Variants in NRXN1 observed in about 807,000 individuals in gnomAD.
The protein encoded by NRXN1 is neurexin-1.
NRXN1 carries 39 observed loss-of-function variants against 150.9 expected under a neutral mutation model. That is an observed-to-expected ratio of 0.26 (90% CI 0.20 to 0.34). The LOEUF is 0.34. NRXN1 is among the 10% of genes least tolerant of loss of function. The pLI, the probability that NRXN1 is intolerant of heterozygous loss-of-function variation, is 1.00. For synonymous variants in NRXN1, 924 were observed against 757.0 expected (o/e 1.22, Z -3.62); for missense variants, 1,815 against 1,949.9 (o/e 0.93, Z 1.30).
intron 17 of NRXN1, among the ~76,000 whole-genome samples, chr2:50,308,223 G>A (rs573097945): frequency 1.1e-4 from 16 of 152,156 alleles, no homozygotes; most frequent in Non-Finnish European, 1.3e-4. Context: ...CCTGAAAAAC[G>A]TCAATTGTGT....
At chr2:50,567,457 A>T (rs1670046205) in intron 8 of NRXN1, among the ~76,000 whole-genome samples, 1 of 152,200 alleles carries the variant, frequency 6.6e-6, no homozygotes, top group Admixed American at 6.5e-5. Flanking sequence ...ACTTTGGAAC[A>T]AAATATAAAG....
chr2:50,639,025 T>G (rs1350444284), intron 5 of NRXN1, among the ~76,000 whole-genome samples: 2 of 151,914 alleles, frequency 1.3e-5, no homozygotes, highest in Admixed American at 1.3e-4. Context: ...CATCCAAACT[T>G]TGGAAAACAC....
intron 2 of NRXN1, among the ~76,000 whole-genome samples, chr2:50,934,907 T>C (rs2104426898): frequency 6.6e-6 from 1 of 152,310 alleles, no homozygotes; most frequent in South Asian, 2.1e-4. Context: ...CAATTATTAC[T>C]CTTTTCATCA....
chr2:50,542,468 G>A (rs1425506995), intron 9 of NRXN1, among the ~76,000 whole-genome samples: 2 of 152,176 alleles, frequency 1.3e-5, no homozygotes, highest in African/African-American at 2.4e-5. Context: ...TCAGTCATTG[G>A]AATATTATGC....
intron 5 of NRXN1, among the ~76,000 whole-genome samples, chr2:50,718,993 A>G (rs949581696): frequency 1.3e-5 from 2 of 150,276 alleles, no homozygotes; most frequent in Non-Finnish European, 3.0e-5. Context: ...AGTAAATATA[A>G]AAATATATTT....
At chr2:50,817,878 A>G (rs1043151313) in intron 5 of NRXN1, among the ~76,000 whole-genome samples, 6 of 151,964 alleles carry the variant, frequency 3.9e-5, no homozygotes, top group African/African-American at 9.7e-5. Context: ...TATGTGAAAA[A>G]CCCAGAGCTA....
At chr2:50,423,122 T>TGAAACATATTCCTTTCCTGTC (rs1261686919) in intron 17 of NRXN1, among the ~76,000 whole-genome samples, 3 of 152,186 alleles carry the variant, frequency 2.0e-5, no homozygotes, top group Non-Finnish European at 4.4e-5. Flanking sequence ...CATTCCCTGG[T>TGAAACATATTCCTTTCCTGTC]GAAACATATT....
intron 5 of NRXN1, among the ~76,000 whole-genome samples, chr2:50,753,439 G>A (rs569025206): frequency 6.6e-6 from 1 of 151,842 alleles, no homozygotes; most frequent in African/African-American, 2.4e-5. Context: ...CACAGAAGGA[G>A]AAAAGAAAAT....
intron 21 of NRXN1, among the ~76,000 whole-genome samples, chr2:49,961,841 G>C (rs1676015007): frequency 6.6e-6 from 1 of 152,104 alleles, no homozygotes; most frequent in Non-Finnish European, 1.5e-5. Flanking sequence ...AAATTATATG[G>C]TGTGACACCG....
At chr2:50,521,061 G>C (rs1375339100) in intron 12 of NRXN1, among the ~76,000 whole-genome samples, 2 of 152,046 alleles carry the variant, frequency 1.3e-5, no homozygotes, top group African/African-American at 4.8e-5. Flanking sequence ...TTGTATAGAA[G>C]TTCATACTTA....
intron 17 of NRXN1, among the ~76,000 whole-genome samples, chr2:50,377,090 CT>C (rs973672248): frequency 6.6e-6 from 1 of 150,468 alleles, no homozygotes; most frequent in Non-Finnish European, 1.5e-5. Context: ...CCATTTTTTT[CT>C]TTTAAAAAAT....
At chr2:50,672,672 GA>G (rs1424542945) in intron 5 of NRXN1, among the ~76,000 whole-genome samples, 2 of 151,828 alleles carry the variant, frequency 1.3e-5, no homozygotes, top group African/African-American at 4.8e-5. Flanking sequence ...GCTAAATGAA[GA>G]CAAAATGATG....
chr2:50,776,573 T>C (rs949964488), intron 5 of NRXN1, among the ~76,000 whole-genome samples: 41 of 151,414 alleles, frequency 2.7e-4, no homozygotes, highest in African/African-American at 9.7e-4. Context: ...AATGTGTATA[T>C]ATATAATATT....
At chr2:50,676,298 A>G (rs1689530478) in intron 5 of NRXN1, among the ~76,000 whole-genome samples, 1 of 152,164 alleles carries the variant, frequency 6.6e-6, no homozygotes, top group African/African-American at 2.4e-5. Context: ...AACCACGAGC[A>G]AAATAAACCT....
chr2:50,181,429 A>G (rs1019400775), intron 18 of NRXN1, among the ~76,000 whole-genome samples: 12 of 152,192 alleles, frequency 7.9e-5, no homozygotes, highest in African/African-American at 2.9e-4. Context: ...CCATGCTTTT[A>G]GGTAGATGCG....
intron 5 of NRXN1, among the ~76,000 whole-genome samples, chr2:50,628,633 T>A (rs1345566352): frequency 6.6e-6 from 1 of 151,796 alleles, no homozygotes; most frequent in Non-Finnish European, 1.5e-5. Context: ...TGTTTACATA[T>A]GTGTTTCTGC....
At chr2:50,457,074 G>A (rs144247484) in intron 17 of NRXN1, among the ~76,000 whole-genome samples, 1 of 152,160 alleles carries the variant, frequency 6.6e-6, no homozygotes, top group Non-Finnish European at 1.5e-5. Flanking sequence ...ACTCAGAAAG[G>A]CTGTCATGGA....
At chr2:50,518,879 T>A (rs1366436494) in intron 12 of NRXN1, among the ~76,000 whole-genome samples, 1 of 150,000 alleles carries the variant, frequency 6.7e-6, no homozygotes, top group Non-Finnish European at 1.5e-5. Context: ...TATTCTAGTA[T>A]AAACTTTTTC....
intron 2 of NRXN1, among the ~76,000 whole-genome samples, chr2:50,933,014 C>G (rs1325125133): frequency 6.6e-6 from 1 of 151,788 alleles, no homozygotes; most frequent in South Asian, 2.1e-4. Context: ...TAGATTGTTA[C>G]AATAAATTGC....
Sources: gnomAD v4.1 joint callset for allele counts (sites outside exome capture counted in the v4.1 genomes callset) on GRCh38, gnomAD v4.1.1 for gene constraint, MANE v1.5 for transcripts, NCBI Gene and HGNC (gene_info 2026-07-23, HGNC 2026-07-21) for gene names.